ANKRD33B: variants seen among roughly 807,000 people sequenced by gnomAD.
ANKRD33B encodes the protein ankyrin repeat domain-containing protein 33B.
Under a neutral mutation model 21.5 loss-of-function variants are expected in ANKRD33B, and 6 were observed. The ratio of observed to expected loss-of-function variants is 0.28; its 90% CI spans 0.15 to 0.55. ANKRD33B has a LOEUF of 0.55. Among genes scored for constraint, ANKRD33B ranks in the 20% least tolerant of loss-of-function variants. The probability of loss-of-function intolerance (pLI) is 0.94; values close to 1 mark genes in which losing one functional copy is unlikely to be tolerated. For missense variants in ANKRD33B, 698 were observed against 747.2 expected, an observed-to-expected ratio of 0.93 and a Z score of 0.77; for synonymous variants, 347 against 342.4, an observed-to-expected ratio of 1.01 and a Z score of -0.15.
At chr5:10,587,299 C>T (rs921081143) in intron 1 of ANKRD33B, among the ~76,000 whole-genome samples, 1 of 152,068 alleles carries the variant, frequency 6.6e-6, no homozygotes, top group Non-Finnish European at 1.5e-5. Context: ...CGGGGTTTCA[C>T]CATGTTGGCC....
At chr5:10,640,376 G>A (rs1737017295) in intron 3 of ANKRD33B, among the ~76,000 whole-genome samples, 1 of 152,108 alleles carries the variant, frequency 6.6e-6, no homozygotes, top group Non-Finnish European at 1.5e-5. Flanking sequence ...TCACCTCCCT[G>A]AGGCTAAAAT....
At chr5:10,618,531 C>T in intron 2 of ANKRD33B, 69 bp downstream of exon 2, 3 of 1,457,874 alleles carry the variant, frequency 2.1e-6, no homozygotes, top group South Asian at 2.8e-5. Context: ...AGCCCGGGCT[C>T]CCGTTGCGAT....
intron 1 of ANKRD33B, among the ~76,000 whole-genome samples, chr5:10,586,605 C>T (rs1259207691): frequency 4.6e-5 from 7 of 151,606 alleles, no homozygotes; most frequent in Admixed American, 1.3e-4. Context: ...CAGTTCTCAT[C>T]TTCAGTCTTT....
intron 1 of ANKRD33B, among the ~76,000 whole-genome samples, chr5:10,577,116 C>T (rs1024074484): frequency 3.3e-5 from 5 of 151,248 alleles, no homozygotes; most frequent in South Asian, 4.2e-4. Flanking sequence ...CTTTCCCTTC[C>T]CCTTCCCCTT....
At position 10,651,429 on chromosome 5, in the gene ANKRD33B, A is replaced by G. The variant is rs1737354084; in HGVS notation, c.*1316A>G. Reference sequence around the variant, plus strand: ...GACATGGAGATCACTTTTCTCAGTGATCAAATTTGAATTTATCAAAGGGGG... The same window carrying G: ...GACATGGAGATCACTTTTCTCAGTGGTCAAATTTGAATTTATCAAAGGGGG... On this transcript the variant is annotated 3_prime_UTR_variant, in exon 4 of 4. Transcript: ENST00000296657. 1 of 152,128 alleles carries G rather than the reference A, an allele frequency of 6.6e-6. No homozygotes were observed. Among genetic ancestry groups the G allele is most frequent in the South Asian group, 2.1e-4 (1 of 4,816 alleles). 9.4% of individuals were successfully genotyped at this position (152,128 alleles called of 1,614,324 possible). A position where few individuals can be genotyped will look rare whatever the true frequency, so the allele number is the denominator to read the frequency against.
At chr5:10,630,024 T>C (rs2126592551) in intron 2 of ANKRD33B, among the ~76,000 whole-genome samples, 1 of 151,540 alleles carries the variant, frequency 6.6e-6, no homozygotes, top group Non-Finnish European at 1.5e-5. Flanking sequence ...GAAGCGGAGT[T>C]GAATGGTTGA....
At chr5:10,592,652 A>C (rs867538542) in intron 1 of ANKRD33B, among the ~76,000 whole-genome samples, 3 of 151,684 alleles carry the variant, frequency 2.0e-5, no homozygotes, top group Non-Finnish European at 4.4e-5. Flanking sequence ...AAGAAAAAGA[A>C]AAGAAAATAG....
chr5:10,609,984 C>G (rs374977099), intron 1 of ANKRD33B, among the ~76,000 whole-genome samples: 3 of 152,234 alleles, frequency 2.0e-5, no homozygotes, highest in Admixed American at 2.0e-4. Context: ...GGGAAATGGA[C>G]AAAAGACATA....
At chr5:10,596,030 T>C (rs575732407) in intron 1 of ANKRD33B, among the ~76,000 whole-genome samples, 1 of 152,360 alleles carries the variant, frequency 6.6e-6, no homozygotes, top group South Asian at 2.1e-4. Flanking sequence ...GCCTGGGGGA[T>C]CTTTGTTTTT....
At chr5:10,641,813 CAT>C (rs1737069881) in intron 3 of ANKRD33B, among the ~76,000 whole-genome samples, 3 of 148,422 alleles carry the variant, frequency 2.0e-5, no homozygotes, top group Non-Finnish European at 3.0e-5. Flanking sequence ...AAAAAAAAAA[CAT>C]AATTAAAAAC....
At chr5:10,642,903 GC>G (rs1397250575) in intron 3 of ANKRD33B, among the ~76,000 whole-genome samples, 2 of 150,648 alleles carry the variant, frequency 1.3e-5, no homozygotes, top group Admixed American at 6.6e-5. Context: ...TGTTTGTTTT[GC>G]TTTGTTTTGT....
At chr5:10,586,085 T>C (rs1451642447) in intron 1 of ANKRD33B, among the ~76,000 whole-genome samples, 3 of 152,192 alleles carry the variant, frequency 2.0e-5, no homozygotes, top group Admixed American at 2.0e-4. Flanking sequence ...CTGTTGTCTC[T>C]GCTCCATGCT....
chr5:10,638,296 T>G, intron 3 of ANKRD33B, 128 bp downstream of exon 3: 1 of 1,227,516 alleles, frequency 8.1e-7, no homozygotes, highest in Non-Finnish European at 1.1e-6. Flanking sequence ...AATAATAGTT[T>G]CTTCACTGAC....
intron 1 of ANKRD33B, among the ~76,000 whole-genome samples, chr5:10,613,465 T>A (rs1365231359): frequency 6.6e-6 from 1 of 151,668 alleles, no homozygotes; most frequent in African/African-American, 2.4e-5. Flanking sequence ...TTTTTTGTAT[T>A]TTTTTTAGTA....
chr5:10,625,250 T>C (rs1208301489), intron 2 of ANKRD33B: 1 of 158,876 alleles, frequency 6.3e-6, no homozygotes, highest in African/African-American at 2.4e-5. Flanking sequence ...TTTCAAAAGC[T>C]GTCCATGCAT....
chr5:10,613,008 G>A (rs2126577912), intron 1 of ANKRD33B, among the ~76,000 whole-genome samples: 1 of 152,224 alleles, frequency 6.6e-6, no homozygotes, highest in South Asian at 2.1e-4. Flanking sequence ...TTCGTTCTTG[G>A]AATTTTTTCT....
At chr5:10,615,476 C>T (rs1054861180) in intron 1 of ANKRD33B, among the ~76,000 whole-genome samples, 1 of 152,180 alleles carries the variant, frequency 6.6e-6, no homozygotes. Context: ...AATGACAATT[C>T]TACCCCACAT....
chr5:10,574,250 T>C (rs1366282756), intron 1 of ANKRD33B, among the ~76,000 whole-genome samples: 1 of 152,290 alleles, frequency 6.6e-6, no homozygotes, highest in Non-Finnish European at 1.5e-5. Flanking sequence ...ATTTATGTAT[T>C]CTTTTACATA....
chr5:10,594,124 T>A (rs986977026), intron 1 of ANKRD33B, among the ~76,000 whole-genome samples: 6 of 151,690 alleles, frequency 4.0e-5, no homozygotes, highest in Non-Finnish European at 8.8e-5. Context: ...TTTTTTTCAC[T>A]CTTATTCAGG....
Sources: gnomAD v4.1 joint callset for allele counts (sites outside exome capture counted in the v4.1 genomes callset) on GRCh38, gnomAD v4.1.1 for gene constraint, MANE v1.5 for transcripts, NCBI Gene and HGNC (gene_info 2026-07-23, HGNC 2026-07-21) for gene names.